The following ROR2 variants were observed in gnomAD, a reference collection of about 807,000 sequenced individuals.
ROR2 encodes the protein tyrosine-protein kinase transmembrane receptor ROR2.
In ROR2, 33 loss-of-function variants were observed where a neutral mutation model predicts 74.9. The ratio of observed to expected loss-of-function variants is 0.44; its 90% CI spans 0.33 to 0.59. The LOEUF (loss-of-function observed/expected upper bound fraction) is 0.59. ROR2 is among the 20% of genes least tolerant of loss of function. The pLI, the probability that ROR2 is intolerant of heterozygous loss-of-function variation, is 0.02. For synonymous variants in ROR2, 586 were observed against 558.7 expected (o/e 1.05, Z -0.69); for missense variants, 1,216 against 1,313.8 (o/e 0.93, Z 1.15).
chr9:91,844,698 G>A (rs947873610), intron 1 of ROR2, among the ~76,000 whole-genome samples: 1 of 152,164 alleles, frequency 6.6e-6, no homozygotes, highest in African/African-American at 2.4e-5. Context: ...CTTAATAGGT[G>A]TAATAGGTTC....
intron 2 of ROR2, among the ~76,000 whole-genome samples, chr9:91,758,361 T>G: frequency 6.6e-6 from 1 of 152,222 alleles, no homozygotes; most frequent in Non-Finnish European, 1.5e-5. Context: ...CAAAATGATG[T>G]AAATTCACGC....
intron 1 of ROR2, among the ~76,000 whole-genome samples, chr9:91,783,150 A>G (rs1412996371): frequency 6.6e-6 from 1 of 151,976 alleles, no homozygotes; most frequent in African/African-American, 2.4e-5. Context: ...CTCTCTTCCT[A>G]CAGGTCACCA....
At chr9:91,730,458 G>GTTAT (rs531938377) in intron 7 of ROR2, among the ~76,000 whole-genome samples, 1 of 151,976 alleles carries the variant, frequency 6.6e-6, no homozygotes, top group Admixed American at 6.6e-5. Context: ...AATAACTTGC[G>GTTAT]TTATTTATTT....
intron 2 of ROR2, among the ~76,000 whole-genome samples, chr9:91,765,693 T>G (rs1826038028): frequency 6.6e-6 from 1 of 152,228 alleles, no homozygotes; most frequent in African/African-American, 2.4e-5. Context: ...CTCATCCCTC[T>G]TCTCCAGGAC....
intron 1 of ROR2, among the ~76,000 whole-genome samples, chr9:91,857,861 TTTTC>T (rs1346051011): frequency 3.9e-5 from 6 of 152,158 alleles, no homozygotes; most frequent in African/African-American, 1.4e-4. Flanking sequence ...CCCACCACAT[TTTTC>T]TTTAATTATG....
intron 1 of ROR2, among the ~76,000 whole-genome samples, chr9:91,859,823 T>TCAAACAAA (rs372142490): frequency 1.3e-5 from 2 of 152,018 alleles, no homozygotes; most frequent in African/African-American, 2.4e-5. Context: ...AGGCTCCGTC[T>TCAAACAAA]CAAACAAACA....
At chr9:91,745,538 G>A (rs1307222843) in intron 4 of ROR2, among the ~76,000 whole-genome samples, 3 of 143,162 alleles carry the variant, frequency 2.1e-5, no homozygotes, top group African/African-American at 7.9e-5. Flanking sequence ...AAGCAGTTCT[G>A]CCTCAGACTC....
At chr9:91,730,858 C>G in intron 7 of ROR2, 52 bp downstream of exon 7, 1 of 1,612,394 alleles carries the variant, frequency 6.2e-7, no homozygotes, top group South Asian at 1.1e-5. Flanking sequence ...GCCCTCATCA[C>G]AAGGTTCACT....
chr9:91,722,761 C>T lies in ROR2; in HGVS notation c.*901G>A, dbSNP rs1212417956. On this transcript the variant is annotated 3_prime_UTR_variant, in exon 9 of 9. Coordinates refer to ENST00000375708, the MANE Select transcript of ROR2 (RefSeq NM_004560.4). Reference sequence around the variant, plus strand: ...TGGTACAGAGAGAAGCAAACCAAGACCAACTGGATCCCAACGTGGGTAACA... The same window carrying T: ...TGGTACAGAGAGAAGCAAACCAAGATCAACTGGATCCCAACGTGGGTAACA... 1.6e-6 allele frequency: 1 copy of T among 611,206 alleles called. No homozygotes were observed. Among genetic ancestry groups the T allele is most frequent in the Non-Finnish European group, 3.0e-6 (1 of 336,696 alleles). 37.9% of individuals were successfully genotyped at this position (611,206 alleles called of 1,614,324 possible). A position where few individuals can be genotyped will look rare whatever the true frequency, so the allele number is the denominator to read the frequency against.
At chr9:91,893,286 A>C (rs559345164) in intron 1 of ROR2, among the ~76,000 whole-genome samples, 1 of 152,116 alleles carries the variant, frequency 6.6e-6, no homozygotes, top group Non-Finnish European at 1.5e-5. Flanking sequence ...CTAAAAATAC[A>C]AAAATTAGCT....
chr9:91,756,951 A>C (rs1825771432), intron 3 of ROR2, among the ~76,000 whole-genome samples: 1 of 151,872 alleles, frequency 6.6e-6, no homozygotes, highest in African/African-American at 2.4e-5. Flanking sequence ...AGTTTCTACT[A>C]AACTGGCCAA....
chr9:91,767,762 AT>A (rs1290602102), intron 2 of ROR2, among the ~76,000 whole-genome samples: 2 of 152,246 alleles, frequency 1.3e-5, no homozygotes, highest in African/African-American at 4.8e-5. Flanking sequence ...TGGGAGTCAG[AT>A]AAAACGGGGA....
intron 1 of ROR2, among the ~76,000 whole-genome samples, chr9:91,814,589 C>G (rs1197566159): frequency 6.6e-6 from 1 of 152,256 alleles, no homozygotes; most frequent in Non-Finnish European, 1.5e-5. Flanking sequence ...ACATACCACT[C>G]TTTGGAAGAA....
In ROR2 at chr9:91,823,914, C is replaced by A. The variant is rs180981619; in HGVS notation, c.98-48096G>T. ...TGAAATACACAATCTCTGCCGGATT[C>A]ACCAGCGGTTCCTCTAAGATCCTTG... On this transcript the variant is annotated intron_variant, in intron 1 of 8. Coordinates refer to ENST00000375708, the MANE Select transcript of ROR2 (RefSeq NM_004560.4). 1.1e-4 allele frequency among the ~76,000 whole-genome samples: 16 copies of A among 152,328 alleles called. No individual in the cohort carries two copies. In the East Asian group the frequency reaches 3.1e-3, roughly 29 times the overall value.
At chr9:91,793,371 T>C (rs2119013076) in intron 1 of ROR2, among the ~76,000 whole-genome samples, 1 of 152,042 alleles carries the variant, frequency 6.6e-6, no homozygotes, top group South Asian at 2.1e-4. Flanking sequence ...AGGACAGTTA[T>C]TTGAGAAAAA....
intron 4 of ROR2, among the ~76,000 whole-genome samples, chr9:91,750,304 A>C (rs1385282646): frequency 6.6e-6 from 1 of 152,256 alleles, no homozygotes; most frequent in Non-Finnish European, 1.5e-5. Flanking sequence ...GAATTAGTGA[A>C]TATTGAGCCA....
At chr9:91,794,630 A>T (rs1031407275) in intron 1 of ROR2, among the ~76,000 whole-genome samples, 2 of 152,124 alleles carry the variant, frequency 1.3e-5, no homozygotes, top group African/African-American at 2.4e-5. Context: ...ACCCAGGCCC[A>T]GGCTGGAGTG....
chr9:91,750,622 G>A (rs1242758177), intron 4 of ROR2, among the ~76,000 whole-genome samples: 1 of 152,132 alleles, frequency 6.6e-6, no homozygotes, highest in African/African-American at 2.4e-5. Flanking sequence ...AGACAGAAAG[G>A]ATATGTGCTC....
At chr9:91,858,481 C>T (rs1032741455) in intron 1 of ROR2, among the ~76,000 whole-genome samples, 15 of 152,308 alleles carry the variant, frequency 9.8e-5, no homozygotes, top group African/African-American at 3.4e-4. Context: ...TGAGGAGCAG[C>T]GGCTGCAGCC....
Sources: allele counts gnomAD v4.1 joint callset (sites outside exome capture counted in the v4.1 genomes callset), GRCh38; gene constraint gnomAD v4.1.1; transcripts MANE v1.5; gene names NCBI Gene and HGNC (gene_info 2026-07-23, HGNC 2026-07-21).